The following RBFOX1 variants were observed in gnomAD, a reference collection of about 807,000 sequenced individuals.
RBFOX1 encodes RNA binding fox-1 homolog 1.
In RBFOX1, 8 loss-of-function variants were observed where a neutral mutation model predicts 57.7. That is an observed-to-expected ratio of 0.14 (90% CI 0.08 to 0.25). RBFOX1 has a LOEUF of 0.25. Ranked by LOEUF, RBFOX1 falls within the 10% of genes least tolerant of loss-of-function variation. RBFOX1 has a pLI of 1.00. For synonymous variants in RBFOX1, 326 were observed against 222.4 expected (o/e 1.47, Z -4.15); for missense variants, 611 against 548.5 (o/e 1.11, Z -1.14).
At chr16:5,855,346 T>G (rs1463212289) in intron 3 of RBFOX1, among the ~76,000 whole-genome samples, 1 of 152,230 alleles carries the variant, frequency 6.6e-6, no homozygotes, top group Non-Finnish European at 1.5e-5. Flanking sequence ...TTGGTAACCT[T>G]ACGGTTCAAG....
At chr16:6,205,433 A>C (rs1483214583) in intron 1 of RBFOX1, among the ~76,000 whole-genome samples, 1 of 152,214 alleles carries the variant, frequency 6.6e-6, no homozygotes, top group Admixed American at 6.5e-5. Flanking sequence ...TTTGACTTTC[A>C]GATGACTTTA....
At chr16:5,417,132 T>C (rs1165450226) in intron 1 of RBFOX1, among the ~76,000 whole-genome samples, 1 of 152,260 alleles carries the variant, frequency 6.6e-6, no homozygotes, top group Non-Finnish European at 1.5e-5. Flanking sequence ...ATAATTAAGA[T>C]GCATATGCCA....
chr16:5,700,078 C>A (rs139409124), intron 3 of RBFOX1, among the ~76,000 whole-genome samples: 1 of 152,110 alleles, frequency 6.6e-6, no homozygotes, highest in African/African-American at 2.4e-5. Flanking sequence ...ATGATCTGCC[C>A]GCCTTGGCCT....
intron 2 of RBFOX1, among the ~76,000 whole-genome samples, chr16:6,469,492 T>C (rs2095126261): frequency 6.6e-6 from 1 of 152,096 alleles, no homozygotes; most frequent in African/African-American, 2.4e-5. Flanking sequence ...CCACGTGCAC[T>C]ATGCGAAAAA....
chr16:7,290,833 G>A (rs113420446), intron 4 of RBFOX1, among the ~76,000 whole-genome samples: 14 of 152,324 alleles, frequency 9.2e-5, no homozygotes, highest in African/African-American at 3.1e-4. Context: ...GCTTATCTAA[G>A]CCTTCTGAGT....
intron 3 of RBFOX1, among the ~76,000 whole-genome samples, chr16:5,783,164 A>T (rs754996396): frequency 0.022 from 3,414 of 152,018 alleles, 148 homozygotes; most frequent in African/African-American, 0.076. Context: ...TTTACATGCA[A>T]AAACACACAA....
At chr16:6,473,527 G>A (rs750312886) in intron 2 of RBFOX1, among the ~76,000 whole-genome samples, 5 of 151,318 alleles carry the variant, frequency 3.3e-5, no homozygotes, top group Non-Finnish European at 5.9e-5. Flanking sequence ...GCTACATGAG[G>A]GCTCTTGTTT....
At chr16:7,216,649 C>T (rs2092097526) in intron 4 of RBFOX1, among the ~76,000 whole-genome samples, 1 of 145,174 alleles carries the variant, frequency 6.9e-6, no homozygotes, top group African/African-American at 2.5e-5. Flanking sequence ...CAGAGTGAGA[C>T]TCCGTCAAAA....
intron 1 of RBFOX1, among the ~76,000 whole-genome samples, chr16:6,258,920 T>C (rs1469824646): frequency 6.6e-6 from 1 of 152,168 alleles, no homozygotes; most frequent in Non-Finnish European, 1.5e-5. Context: ...TTTAAAAACA[T>C]TTAAATGTTT....
chr16:5,755,327 C>A (rs2053354162), intron 3 of RBFOX1, among the ~76,000 whole-genome samples: 1 of 152,008 alleles, frequency 6.6e-6, no homozygotes, highest in South Asian at 2.1e-4. Context: ...GACACAGTAA[C>A]AATCTGATCT....
intron 4 of RBFOX1, among the ~76,000 whole-genome samples, chr16:7,139,673 G>A (rs1261883890): frequency 6.6e-6 from 1 of 152,196 alleles, no homozygotes; most frequent in Non-Finnish European, 1.5e-5. Flanking sequence ...AGGCAAGGGA[G>A]AGGAGAATGT....
In RBFOX1 at chr16:5,947,102, G is replaced by A. The variant is rs1388160499; in HGVS notation, c.351+79767G>A. Among the ~76,000 whole-genome samples, 1 of 152,176 alleles carries A rather than the reference G, an allele frequency of 6.6e-6. No homozygotes were observed. The highest frequency in any genetic ancestry group is 1.5e-5 in the Non-Finnish European group (1 of 68,022). On this transcript the variant is annotated intron_variant, in intron 4 of 19. Transcript: ENST00000641259. This position sits in a 1 kb window ranked among gnomAD's most constrained non-coding sequence, Gnocchi z 7.2. Reference sequence around the variant, plus strand: ...TGTGGTTGTGCATACTGTAGTCCCAGATACTCAGGAGGCTGAGGTAGGAGG... The same window carrying A: ...TGTGGTTGTGCATACTGTAGTCCCAAATACTCAGGAGGCTGAGGTAGGAGG...
At chr16:5,591,892 G>C (rs1482249028) in intron 2 of RBFOX1, among the ~76,000 whole-genome samples, 1 of 152,200 alleles carries the variant, frequency 6.6e-6, no homozygotes, top group Non-Finnish European at 1.5e-5. Flanking sequence ...TCGAAAAATG[G>C]AATCCCTAGT....
chr16:7,206,990 A>G (rs182847204), intron 4 of RBFOX1, among the ~76,000 whole-genome samples: 5 of 152,236 alleles, frequency 3.3e-5, no homozygotes, highest in East Asian at 3.9e-4. Context: ...TTTGCAGCCA[A>G]TTTAGCCCCT....
At chr16:7,046,378 A>G (rs546279596) in intron 3 of RBFOX1, among the ~76,000 whole-genome samples, 3 of 151,958 alleles carry the variant, frequency 2.0e-5, no homozygotes, top group African/African-American at 7.2e-5. Context: ...AGTCTACAAG[A>G]CTCAGTATTT....
At chr16:5,918,477 C>T (rs2058754772) in intron 4 of RBFOX1, among the ~76,000 whole-genome samples, 1 of 152,186 alleles carries the variant, frequency 6.6e-6, no homozygotes. Flanking sequence ...CCAGAGCATG[C>T]ACCTAGTTCC....
chr16:7,417,234 G>A (rs946328532), intron 4 of RBFOX1, among the ~76,000 whole-genome samples: 17 of 151,838 alleles, frequency 1.1e-4, no homozygotes, highest in African/African-American at 1.9e-4. Flanking sequence ...CTGGCTGGGC[G>A]TGGTGGTGTG....
At position 6,077,438 on chromosome 16, in the gene RBFOX1, C is replaced by T. The variant is rs116052540; in HGVS notation, c.-127+57446C>T. On this transcript the variant is annotated intron_variant, in intron 1 of 15. Transcript: ENST00000550418. ...TTTTCAAATTAGAGAAGTGATATTG[C>T]GTCACTGCTGCGAACCAGGAAGGGA... is the stretch of plus-strand genomic sequence containing the variant. Among the ~76,000 whole-genome samples, 650 of 152,280 alleles carry T rather than the reference C, an allele frequency of 4.3e-3. 4 individuals carry two copies. The highest frequency in any genetic ancestry group is 0.014 in the African/African-American group (573 of 41,556).
intron 2 of RBFOX1, among the ~76,000 whole-genome samples, chr16:6,592,488 A>G (rs1326346681): frequency 6.6e-6 from 1 of 152,228 alleles, no homozygotes; most frequent in Non-Finnish European, 1.5e-5. Flanking sequence ...GACCAGTGGT[A>G]AAATGGAGCG....
Sources: gnomAD v4.1 joint callset for allele counts (sites outside exome capture counted in the v4.1 genomes callset) on GRCh38, gnomAD v4.1.1 for gene constraint, Gnocchi (gnomAD v3.1) non-coding constraint, MANE v1.5 for transcripts, NCBI Gene and HGNC (gene_info 2026-07-23, HGNC 2026-07-21) for gene names.